Variants in ZKSCAN2 observed in about 807,000 individuals in gnomAD.
ZKSCAN2 encodes the protein zinc finger protein with KRAB and SCAN domains 2.
A neutral mutation model predicts 90.5 loss-of-function variants in ZKSCAN2; 38 were observed. The observed-to-expected ratio is 0.42, with a 90% CI of 0.32 to 0.55. The LOEUF is 0.55. Among genes scored for constraint, ZKSCAN2 ranks in the 20% least tolerant of loss-of-function variants. The pLI is 0.11. For missense variants in ZKSCAN2, 1,167 were observed against 1,202.6 expected (o/e 0.97, Z 0.44); for synonymous variants, 429 against 421.6 (o/e 1.02, Z -0.22).
At position 25,243,788 on chromosome 16, in the gene ZKSCAN2, T is replaced by C. The variant is rs774601872; in HGVS notation, c.1978A>G (p.Asn660Asp). 10 of 1,328,216 alleles carry C rather than the reference T, an allele frequency of 7.5e-6. No homozygotes were observed. In the South Asian group the frequency reaches 1.1e-4, roughly 14 times the overall value. 82.3% of individuals were successfully genotyped at this position (1,328,216 alleles called of 1,614,324 possible). A position where few individuals can be genotyped will look rare whatever the true frequency, so the allele number is the denominator to read the frequency against. The part of the protein sequence containing the change: ...QGPPGLLQSP[N>D]DFEIGSSIKE... Reference sequence around the variant, plus strand: ...ACTCCTTGGTTTTGCACCTTACCATTTGGGCTCTGCAGTAGACCTGGAGGT... The same window carrying C: ...ACTCCTTGGTTTTGCACCTTACCATCTGGGCTCTGCAGTAGACCTGGAGGT... The change falls in exon 6 of 7, where the codon AAT becomes GAT. Residue 660 changes from asparagine to aspartate, a missense_variant. Asn to Asp is a conservative substitution (Grantham distance 23, BLOSUM62 1). Transcript: ENST00000328086.
chr16:25,255,550 A>C (rs1261523999), intron 1 of ZKSCAN2, among the ~76,000 whole-genome samples, 158 bp from the exon 2 acceptor site: 1 of 152,226 alleles, frequency 6.6e-6, no homozygotes, highest in Non-Finnish European at 1.5e-5. Context: ...GGCTGAGAGT[A>C]CTGTCCAGCA....
At chr16:25,253,062 A>T in intron 2 of ZKSCAN2, 25 bp from the exon 3 acceptor site, 1 of 1,577,832 alleles carries the variant, frequency 6.3e-7, no homozygotes, top group Non-Finnish European at 8.7e-7. Flanking sequence ...AGAAACGATT[A>T]GTAATCTGGG....
At chr16:25,249,317 G>T in intron 4 of ZKSCAN2, among the ~76,000 whole-genome samples, 1 of 152,030 alleles carries the variant, frequency 6.6e-6, no homozygotes, top group South Asian at 2.1e-4. Flanking sequence ...TTTTATTTTT[G>T]AGACAGAGTG....
chr16:25,247,337 GCTC>G lies in ZKSCAN2; in HGVS notation c.856_858del (p.Glu286del), dbSNP rs1363268499. 1 of 1,612,998 alleles carries G rather than the reference GCTC, an allele frequency of 6.2e-7. No individual in the cohort carries two copies. Among genetic ancestry groups the G allele is most frequent in the Non-Finnish European group, 8.5e-7 (1 of 1,179,996 alleles). On this transcript the variant is annotated inframe_deletion, in exon 5 of 7. Transcript: ENST00000328086. ...GAGGAATGCAGACCTAGAGTCCATG[GCTC>G]CTTTCTCTGTTCCAACCGGGTTATC...
chr16:25,243,759 T>TAAAACTCATTGGTTTTGCACC, intron 6 of ZKSCAN2, 26 bp downstream of exon 6: 1 of 1,558,624 alleles, frequency 6.4e-7, no homozygotes. Context: ...TCTTTTGGAC[T>TAAAACTCATTGGTTTTGCACC]AAAACTCCTT....
chr16:25,240,546 G>T lies in ZKSCAN2; in HGVS notation c.2174C>A (p.Pro725Gln). 6.2e-7 allele frequency: 1 copy of T among 1,614,140 alleles called. No homozygotes were observed. The highest frequency in any genetic ancestry group is 8.5e-7 in the Non-Finnish European group (1 of 1,180,018). The change falls in exon 7 of 7, where the codon CCG becomes CAG. Residue 725 changes from proline to glutamine, a missense_variant. Pro to Gln is a moderately conservative substitution (Grantham distance 76). Transcript: ENST00000328086. ...CCCTAAATCTCTAGGCTGAGACATC[G>T]GCTTTCCCTGTCTAATTCCTTGAAG... The part of the protein sequence containing the change: ...ENLQGIRQGK[P>Q]MSQPRDLGKA...
chr16:25,254,259 GTT>G (rs930316946), intron 2 of ZKSCAN2, among the ~76,000 whole-genome samples: 4 of 152,216 alleles, frequency 2.6e-5, no homozygotes, highest in Non-Finnish European at 4.4e-5. Flanking sequence ...GTTTAGTGAT[GTT>G]TCCATTCCTC....
intron 3 of ZKSCAN2, 23 bp from the exon 4 acceptor site, chr16:25,252,058 G>T: frequency 1.2e-6 from 2 of 1,613,000 alleles, no homozygotes; most frequent in Middle Eastern, 1.7e-4. Flanking sequence ...TAACACCAAT[G>T]ACTACCAAGA....
At chr16:25,243,732 TA>T (rs1962886991) in intron 6 of ZKSCAN2, 52 bp downstream of exon 6, 2 of 1,539,092 alleles carry the variant, frequency 1.3e-6, no homozygotes, top group African/African-American at 1.4e-5. Flanking sequence ...CATTTTTCAG[TA>T]AATCACACTT....
chr16:25,239,593 T>A lies in ZKSCAN2; in HGVS notation c.*223A>T, dbSNP rs976944140. 5 of 469,640 alleles carry A rather than the reference T, an allele frequency of 1.1e-5. No homozygotes were observed. In the South Asian group the frequency reaches 2.3e-4, roughly 22 times the overall value. 29.1% of individuals were successfully genotyped at this position (469,640 alleles called of 1,614,324 possible). The stretch of plus-strand genomic sequence containing the variant: ...GGTATTTCATTCTGAACTCGGACAA[T>A]GTATCTTCGCCACATTCTTAAAGGA... On this transcript the variant is annotated 3_prime_UTR_variant, in exon 7 of 7. Transcript: ENST00000328086.
At chr16:25,242,469 G>T (rs998523607) in intron 6 of ZKSCAN2, among the ~76,000 whole-genome samples, 2 of 152,158 alleles carry the variant, frequency 1.3e-5, no homozygotes, top group African/African-American at 4.8e-5. Context: ...TTAATCTAGT[G>T]TTATGGGAAG....
intron 4 of ZKSCAN2, among the ~76,000 whole-genome samples, chr16:25,251,650 A>C (rs1963022694): frequency 6.6e-6 from 1 of 152,212 alleles, no homozygotes; most frequent in Admixed American, 6.5e-5. Flanking sequence ...CATTTACTGT[A>C]CTACACCATT....
At chr16:25,240,811 T>G (rs937141631) in intron 6 of ZKSCAN2, 73 bp from the exon 7 acceptor site, 1 of 1,231,872 alleles carries the variant, frequency 8.1e-7, no homozygotes. Context: ...CTTGCAAGGC[T>G]TGATCCGCTT....
intron 2 of ZKSCAN2, among the ~76,000 whole-genome samples, chr16:25,254,256 G>A (rs920545523): frequency 6.6e-6 from 1 of 152,208 alleles, no homozygotes; most frequent in Non-Finnish European, 1.5e-5. Context: ...CAGGTTTAGT[G>A]ATGTTTCCAT....
chr16:25,251,326 C>A (rs1256017616), intron 4 of ZKSCAN2, among the ~76,000 whole-genome samples: 1 of 152,046 alleles, frequency 6.6e-6, no homozygotes, highest in Non-Finnish European at 1.5e-5. Flanking sequence ...TTTTCTATTA[C>A]ATGAAGGGGA....
At chr16:25,255,508 C>T in intron 1 of ZKSCAN2, 116 bp from the exon 2 acceptor site, 3 of 1,160,600 alleles carry the variant, frequency 2.6e-6, no homozygotes, top group South Asian at 2.9e-5. Flanking sequence ...GAAAATTCCA[C>T]TCCATTCCCA....
intron 4 of ZKSCAN2, among the ~76,000 whole-genome samples, chr16:25,249,487 T>C (rs1962987069): frequency 6.6e-6 from 1 of 152,120 alleles, no homozygotes; most frequent in South Asian, 2.1e-4. Context: ...TTTTACTATG[T>C]TGGCCAGGCT....
In ZKSCAN2 at chr16:25,252,094, A is replaced by C; in HGVS notation, c.679-59T>G. ...TAACTGCACAGGTCTTCAAAGGATGAGCAATCACAGATGAGGCAGAGAAGA... is the reference window on the plus strand; with the variant it reads ...TAACTGCACAGGTCTTCAAAGGATGCGCAATCACAGATGAGGCAGAGAAGA... On this transcript the variant is annotated intron_variant, in intron 3 of 6. Transcript: ENST00000328086. 4 of 1,592,562 alleles carry C rather than the reference A, an allele frequency of 2.5e-6. No individual in the cohort carries two copies. The South Asian group carries it at 4.5e-5, about 18-fold the overall frequency.
Position 25,247,202 on chromosome 16 carries a change from C to T in ZKSCAN2, c.994G>A (p.Gly332Ser). The T allele has an allele frequency of 1.2e-6, 2 of 1,614,148 alleles. No homozygotes were observed. Among genetic ancestry groups the T allele is most frequent in the East Asian group, 2.2e-5 (1 of 44,882 alleles). ...CCTGCTATCTTTTCATCTTCTAAAC[C>T]CCACTGCTGCTGCTCTCTCCATGTT... Reference protein sequence around the residue: ...GKTWREQQQWGLEDEKIAGVH... With the variant: ...GKTWREQQQWSLEDEKIAGVH... Residue 332 changes from glycine to serine, a missense_variant, in exon 5 of 7, where the codon GGT becomes AGT. Coordinates refer to ENST00000328086, the MANE Select transcript of ZKSCAN2 (RefSeq NM_001012981.5).
Sources: gnomAD v4.1 joint callset for allele counts (sites outside exome capture counted in the v4.1 genomes callset) on GRCh38, gnomAD v4.1.1 for gene constraint, MANE v1.5 for transcripts, NCBI Gene and HGNC (gene_info 2026-07-23, HGNC 2026-07-21) for gene names.